WNT5B: variants seen among roughly 807,000 people sequenced by gnomAD.
WNT5B encodes the protein Wnt family member 5B.
A neutral mutation model predicts 36.5 loss-of-function variants in WNT5B; 18 were observed. The observed-to-expected ratio is 0.49, with a 90% CI of 0.34 to 0.73. The LOEUF (loss-of-function observed/expected upper bound fraction) is 0.73, where lower values mean the gene tolerates loss of function less well. WNT5B is among the 30% of genes least tolerant of loss of function. WNT5B has a pLI of 0.01. For missense variants in WNT5B, 424 were observed against 508.4 expected, an observed-to-expected ratio of 0.83 and a Z score of 1.60; for synonymous variants, 213 against 212.3, an observed-to-expected ratio of 1.00 and a Z score of -0.03.
Position 1,632,033 on chromosome 12 carries a change from T to G in WNT5B, c.80+599T>G, listed in dbSNP as rs954615538. Reference sequence around the variant, plus strand: ...TAGATGATGAGCAAAAGGGAGAGCCTCTGAACTGGTGGAGAGTGGATGAGG... The same window carrying G: ...TAGATGATGAGCAAAAGGGAGAGCCGCTGAACTGGTGGAGAGTGGATGAGG... On this transcript the variant is annotated intron_variant, in intron 2 of 4. Transcript: ENST00000397196. This position sits in a 1 kb window ranked among gnomAD's most constrained non-coding sequence, Gnocchi z 5.8. Among the ~76,000 whole-genome samples the G allele has an allele frequency of 2.0e-5, 3 of 152,176 alleles. No homozygotes were observed. Among genetic ancestry groups the G allele is most frequent in the Non-Finnish European group, 4.4e-5 (3 of 68,030 alleles).
At chr12:1,636,536 T>C (rs1438502887) in intron 3 of WNT5B, among the ~76,000 whole-genome samples, 1 of 33,396 alleles carries the variant, frequency 3.0e-5, no homozygotes, top group African/African-American at 8.8e-5. Context: ...TATATATATA[T>C]ATATACTTTT....
In WNT5B at chr12:1,623,187, G is replaced by GTTGTTT. The variant is rs1555156806; in HGVS notation, c.-58+6046_-58+6047insGTTTTT. 1.9e-4 allele frequency among the ~76,000 whole-genome samples: 11 copies of GTTGTTT among 58,382 alleles called. 2 individuals carry two copies. The highest frequency in any genetic ancestry group is 7.4e-4 in the South Asian group (1 of 1,348). 38.3% of individuals were successfully genotyped at this position (58,382 alleles called of 152,430 possible). On this transcript the variant is annotated intron_variant, in intron 1 of 4. Coordinates refer to the WNT5B transcript ENST00000310594. ...GGAAACCTTTGAAGGGTTTTTTGTT[G>GTTGTTT]TTTTTTTTTTTTTTTTTTTTTTTTT... is the stretch of plus-strand genomic sequence containing the variant.
chr12:1,639,776 TGCG>T lies in WNT5B; in HGVS notation c.424_426del (p.Gly142del), dbSNP rs2094570847. 6.2e-7 allele frequency: 1 copy of T among 1,609,778 alleles called. No individual in the cohort carries two copies. Among genetic ancestry groups the T allele is most frequent in the African/African-American group, 1.3e-5 (1 of 74,732 alleles). ...CTGCCGCGAGGGCGAGCTCTCCACC[TGCG>T]GCTGCAGCCGGACGGCGCGGCCCAA... On this transcript the variant is annotated inframe_deletion, in exon 4 of 5. Coordinates refer to ENST00000397196, the MANE Select transcript of WNT5B (RefSeq NM_032642.3).
chr12:1,639,591 G>T (rs146362956), intron 3 of WNT5B, 93 bp from the exon 4 acceptor site: 8 of 1,368,964 alleles, frequency 5.8e-6, no homozygotes, highest in South Asian at 4.6e-5. Context: ...CAGCAGAGCC[G>T]TGGCGTGCGG....
chr12:1,639,747 G>C lies in WNT5B; in HGVS notation c.392G>C (p.Arg131Pro), dbSNP rs751763308. 3.7e-6 allele frequency: 6 copies of C among 1,603,394 alleles called. No individual in the cohort carries two copies. The highest frequency in any genetic ancestry group is 1.3e-5 in the African/African-American group (1 of 74,544). ...SAAGVVNAISRACREGELSTC... is the reference protein window; with the variant it reads ...SAAGVVNAISPACREGELSTC... ...GCGGGCGTGGTCAACGCCATCAGCC[G>C]GGCCTGCCGCGAGGGCGAGCTCTCC... Residue 131 changes from arginine (R) to proline (P), a missense_variant, in exon 4 of 5, where the codon CGG (arginine) becomes CCG (proline). By Grantham distance (103) the Arg-to-Pro change is moderately radical (BLOSUM62 -2). Coordinates refer to ENST00000397196, the MANE Select transcript of WNT5B (RefSeq NM_032642.3).
At chr12:1,640,929 G>A (rs550574747) in intron 4 of WNT5B, among the ~76,000 whole-genome samples, 8 of 152,360 alleles carry the variant, frequency 5.3e-5, no homozygotes, top group Admixed American at 2.0e-4. Context: ...AAGGTCTGCG[G>A]TCTGAGCACT....
chr12:1,639,725 G>T lies in WNT5B; in HGVS notation c.370G>T (p.Gly124Cys), dbSNP rs1437627806. Residue 124 changes from glycine (G) to cysteine (C), a missense_variant, in exon 4 of 5, where the codon GGC (glycine) becomes TGC (cysteine). By Grantham distance (159) the Gly-to-Cys change is radical (BLOSUM62 -3). Transcript: ENST00000397196. ...CTTCACCCACGCGGTGAGCGCCGCG[G>T]GCGTGGTCAACGCCATCAGCCGGGC... ...TAFTHAVSAAGVVNAISRACR... is the reference protein window; with the variant it reads ...TAFTHAVSAACVVNAISRACR... 1 of 1,595,952 alleles carries T rather than the reference G, an allele frequency of 6.3e-7. No homozygotes were observed. The highest frequency in any genetic ancestry group is 8.5e-7 in the Non-Finnish European group (1 of 1,172,574).
intron 1 of WNT5B, among the ~76,000 whole-genome samples, chr12:1,621,782 T>C (rs1035653702): frequency 2.0e-5 from 3 of 150,166 alleles, no homozygotes; most frequent in African/African-American, 7.4e-5. Context: ...TGGCCTCGAG[T>C]GATCCTCCCA....
At chr12:1,623,458 G>A (rs1172989317) in intron 1 of WNT5B, among the ~76,000 whole-genome samples, 1 of 152,070 alleles carries the variant, frequency 6.6e-6, no homozygotes, top group African/African-American at 2.4e-5. Context: ...GCCTCCCAAA[G>A]TGCTGGGATT....
At chr12:1,639,554 AAGC>A (rs1386971116) in intron 3 of WNT5B, 127 bp from the exon 4 acceptor site, 27 of 986,606 alleles carry the variant, frequency 2.7e-5, no homozygotes, top group Non-Finnish European at 3.8e-5. Flanking sequence ...GAGCTACGGG[AAGC>A]GAAGCCCCCT....
chr12:1,625,249 C>G (rs753887039), upstream of WNT5B, among the ~76,000 whole-genome samples: 1 of 152,098 alleles, frequency 6.6e-6, no homozygotes, highest in Non-Finnish European at 1.5e-5. Context: ...TTAGGGAAAA[C>G]TGGTATTGTG....
rs2094585451 is a variant in WNT5B at position 1,646,220 on chromosome 12, A to G, written c.1048A>G (p.Thr350Ala). 3.1e-6 allele frequency: 5 copies of G among 1,613,368 alleles called. No homozygotes were observed. In the South Asian group the frequency reaches 5.5e-5, roughly 18 times the overall value. ...WCCFVRCKKC[T>A]EIVDQYICK ...CTGCTTCGTCAGGTGTAAGAAGTGC[A>G]CGGAGATCGTGGACCAGTACATCTG... The change falls in exon 5 of 5, where the codon ACG becomes GCG. Residue 350 changes from threonine to alanine, a missense_variant. Physicochemically the swap from Thr to Ala is moderately conservative, Grantham distance 58. Coordinates refer to ENST00000397196, the MANE Select transcript of WNT5B (RefSeq NM_032642.3).
intron 4 of WNT5B, among the ~76,000 whole-genome samples, chr12:1,640,918 A>T (rs1326209542): frequency 6.6e-6 from 1 of 152,114 alleles, no homozygotes; most frequent in Non-Finnish European, 1.5e-5. Context: ...TTCCTCTGAG[A>T]AAGGTCTGCG....
At chr12:1,643,686 C>CTT (rs368172169) in intron 4 of WNT5B, among the ~76,000 whole-genome samples, 2,426 of 97,286 alleles carry the variant, frequency 0.025, 82 homozygotes, top group Non-Finnish European at 0.035. Context: ...TTTTTGAAAG[C>CTT]TTTTTTTTTT....
intron 4 of WNT5B, 70 bp downstream of exon 4, chr12:1,640,046 C>T: frequency 2.0e-6 from 3 of 1,514,332 alleles, no homozygotes; most frequent in Non-Finnish European, 2.6e-6. Context: ...GTGCCACCAG[C>T]CGTGGCCTGG....
At chr12:1,624,217 C>T (rs1284708867) in intron 1 of WNT5B, among the ~76,000 whole-genome samples, 1 of 152,042 alleles carries the variant, frequency 6.6e-6, no homozygotes, top group Admixed American at 6.6e-5. Flanking sequence ...TGAAACCCAT[C>T]TCTACTAAAA....
rs899966875 is a variant in WNT5B at position 1,632,733 on chromosome 12, C to T, written c.156C>T (p.Pro52=). ...CCCAGCCCGTGTGCAGTCAGCTTCC[C>T]GGGCTCTCCCCTGGCCAGAGGAAGC... ...IGAQPVCSQL[P]GLSPGQRKLC... The change falls in exon 3 of 5, where the codon CCC becomes CCT. Residue 52 remains proline (P), a synonymous_variant. Transcript: ENST00000397196. The surrounding 1 kb of genome is among the most constrained non-coding windows in gnomAD (Gnocchi z 5.8). 10 of 1,613,840 alleles carry T rather than the reference C, an allele frequency of 6.2e-6. No individual in the cohort carries two copies. Among genetic ancestry groups the T allele is most frequent in the Admixed American group, 3.3e-5 (2 of 60,004 alleles).
upstream of WNT5B, among the ~76,000 whole-genome samples, chr12:1,625,911 C>G (rs2094540218): frequency 6.6e-6 from 1 of 151,974 alleles, no homozygotes; most frequent in African/African-American, 2.4e-5. Flanking sequence ...GATCCACCTG[C>G]CTCAGCCTCC....
intron 4 of WNT5B, among the ~76,000 whole-genome samples, chr12:1,642,016 C>T (rs960908272): frequency 6.6e-6 from 1 of 152,176 alleles, no homozygotes; most frequent in Non-Finnish European, 1.5e-5. Flanking sequence ...TTACGCTTCC[C>T]CTATCCAGAG....
Sources: allele counts gnomAD v4.1 joint callset (sites outside exome capture counted in the v4.1 genomes callset), GRCh38; gene constraint gnomAD v4.1.1; non-coding constraint Gnocchi (gnomAD v3.1); transcripts MANE v1.5; gene names NCBI Gene and HGNC (gene_info 2026-07-23, HGNC 2026-07-21).